CCSER1: variants seen among roughly 807,000 people sequenced by gnomAD.
The protein encoded by CCSER1 is coiled-coil serine rich protein 1.
CCSER1 carries 41 observed loss-of-function variants against 82.0 expected under a neutral mutation model. The observed-to-expected ratio is 0.50, with a 90% CI of 0.39 to 0.65. The LOEUF (loss-of-function observed/expected upper bound fraction) is 0.65. Ranked by LOEUF, CCSER1 falls within the 30% of genes least tolerant of loss-of-function variation. CCSER1 has a pLI of 0.00. For missense variants in CCSER1, 1,119 were observed against 1,064.2 expected (o/e 1.05, Z -0.72); for synonymous variants, 414 against 383.9 (o/e 1.08, Z -0.92).
At chr4:91,141,784 A>G (rs1729057354) in intron 10 of CCSER1, among the ~76,000 whole-genome samples, 1 of 152,184 alleles carries the variant, frequency 6.6e-6, no homozygotes. Flanking sequence ...CAGCCTCACC[A>G]ACAGTTGTTT....
Position 90,703,350 on chromosome 4 carries a change from A to C in CCSER1, c.1933-20564A>C, listed in dbSNP as rs999803504. Among the ~76,000 whole-genome samples the C allele has an allele frequency of 3.3e-5, 5 of 152,154 alleles. 1 individual carries two copies. The South Asian group carries it at 1.0e-3, about 32-fold the overall frequency. On this transcript the variant is annotated intron_variant, in intron 6 of 10. Transcript: ENST00000509176. Reference sequence around the variant, plus strand: ...GTGTTCTGAGAGACAGTTTGTTATAATTTCTGTTCTTTTCCATTTGCTGAG... The same window carrying C: ...GTGTTCTGAGAGACAGTTTGTTATACTTTCTGTTCTTTTCCATTTGCTGAG...
intron 10 of CCSER1, among the ~76,000 whole-genome samples, chr4:91,156,475 A>C (rs2148965911): frequency 6.6e-6 from 1 of 151,744 alleles, no homozygotes; most frequent in Non-Finnish European, 1.5e-5. Flanking sequence ...TCTCATATTT[A>C]TTCTCCTTGT....
intron 6 of CCSER1, among the ~76,000 whole-genome samples, chr4:90,658,537 A>G (rs549604465): frequency 6.6e-6 from 1 of 152,250 alleles, no homozygotes; most frequent in South Asian, 2.1e-4. Flanking sequence ...TTTCTGCTCA[A>G]CTTCTCAGAT....
At chr4:90,933,417 G>C (rs905931492) in intron 9 of CCSER1, among the ~76,000 whole-genome samples, 12 of 151,838 alleles carry the variant, frequency 7.9e-5, no homozygotes, top group African/African-American at 2.9e-4. Context: ...TCAATCTCCT[G>C]ACCTCATGAT....
chr4:91,014,864 A>G (rs1024354154), intron 9 of CCSER1, among the ~76,000 whole-genome samples: 7 of 152,214 alleles, frequency 4.6e-5, no homozygotes, highest in African/African-American at 1.4e-4. Context: ...GATTCTGTCC[A>G]CATAGGACTG....
intron 8 of CCSER1, among the ~76,000 whole-genome samples, chr4:90,913,249 A>G (rs541909176): frequency 2.0e-5 from 3 of 152,324 alleles, no homozygotes; most frequent in Non-Finnish European, 4.4e-5. Context: ...GAGAAAGGTC[A>G]GGTTACCCAC....
intron 10 of CCSER1, among the ~76,000 whole-genome samples, chr4:91,176,639 A>C (rs1733404246): frequency 6.6e-6 from 1 of 152,244 alleles, no homozygotes; most frequent in Middle Eastern, 3.4e-3. Context: ...TTGGTGTATA[A>C]GAATGCTTGT....
intron 10 of CCSER1, among the ~76,000 whole-genome samples, chr4:91,336,258 A>G (rs763791554): frequency 6.6e-6 from 1 of 152,146 alleles, no homozygotes; most frequent in Non-Finnish European, 1.5e-5. Flanking sequence ...ACATAATTAC[A>G]TTTACTCTAC....
At chr4:91,134,818 T>C (rs1394675434) in intron 10 of CCSER1, among the ~76,000 whole-genome samples, 2 of 152,090 alleles carry the variant, frequency 1.3e-5, no homozygotes, top group African/African-American at 4.8e-5. Flanking sequence ...TCCCAGCACT[T>C]TGGGAGGCCG....
intron 6 of CCSER1, among the ~76,000 whole-genome samples, chr4:90,657,168 C>T (rs1560895893): frequency 6.6e-6 from 1 of 151,940 alleles, no homozygotes; most frequent in African/African-American, 2.4e-5. Flanking sequence ...CCCTTTCATT[C>T]TTTTTTCCTT....
intron 10 of CCSER1, among the ~76,000 whole-genome samples, chr4:91,299,071 A>T (rs1311503991): frequency 6.6e-6 from 1 of 151,650 alleles, no homozygotes; most frequent in African/African-American, 2.4e-5. Flanking sequence ...GCTATGTTAA[A>T]CATTCTATGT....
intron 10 of CCSER1, among the ~76,000 whole-genome samples, chr4:91,528,876 C>T (rs911690885): frequency 3.3e-5 from 5 of 151,994 alleles, no homozygotes; most frequent in South Asian, 2.1e-4. Flanking sequence ...GTATAAAATA[C>T]TACATACATC....
chr4:91,334,266 C>A (rs1212633943), intron 10 of CCSER1, among the ~76,000 whole-genome samples: 2 of 151,990 alleles, frequency 1.3e-5, no homozygotes, highest in African/African-American at 4.8e-5. Context: ...CTTGCTCATG[C>A]CTTCTTCAAA....
intron 10 of CCSER1, among the ~76,000 whole-genome samples, chr4:91,483,676 C>G (rs1036989111): frequency 6.6e-6 from 1 of 151,892 alleles, no homozygotes; most frequent in East Asian, 1.9e-4. Flanking sequence ...CCTTAGGTGA[C>G]CCACCCGCCT....
intron 1 of CCSER1, among the ~76,000 whole-genome samples, chr4:90,128,755 G>C (rs1027443847): frequency 4.6e-5 from 7 of 152,088 alleles, no homozygotes; most frequent in African/African-American, 1.7e-4. Context: ...AGAGTGAGAA[G>C]AAAGGCTATT....
intron 1 of CCSER1, among the ~76,000 whole-genome samples, chr4:90,271,790 A>G (rs1726325166): frequency 7.3e-6 from 1 of 137,056 alleles, no homozygotes; most frequent in Non-Finnish European, 1.5e-5. Context: ...GTCCATTTTC[A>G]CACTGCTATA....
intron 6 of CCSER1, among the ~76,000 whole-genome samples, chr4:90,692,929 G>A (rs564198863): frequency 1.3e-5 from 2 of 151,996 alleles, no homozygotes; most frequent in East Asian, 1.9e-4. Context: ...CATTTTAAAT[G>A]CATGTCCTTT....
intron 3 of CCSER1, among the ~76,000 whole-genome samples, chr4:90,334,553 C>CA (rs11393986): frequency 0.31 from 45,175 of 147,406 alleles, 6,839 homozygotes; most frequent in East Asian, 0.44. Flanking sequence ...ACTTTGCTGC[C>CA]AAAAAAAAAA....
intron 10 of CCSER1, among the ~76,000 whole-genome samples, chr4:91,437,177 G>A (rs1423581662): frequency 2.0e-5 from 3 of 152,166 alleles, no homozygotes; most frequent in Non-Finnish European, 4.4e-5. Flanking sequence ...GATTAACTGG[G>A]CCAAAAATAA....
Sources: allele counts gnomAD v4.1 joint callset (sites outside exome capture counted in the v4.1 genomes callset), GRCh38; gene constraint gnomAD v4.1.1; transcripts MANE v1.5; gene names NCBI Gene and HGNC (gene_info 2026-07-23, HGNC 2026-07-21).